EPHA3: variants seen among roughly 807,000 people sequenced by gnomAD.
The protein encoded by EPHA3 is EPH receptor A3.
Under a neutral mutation model 107.1 loss-of-function variants are expected in EPHA3, and 42 were observed. The ratio of observed to expected loss-of-function variants is 0.39; its 90% confidence interval spans 0.31 to 0.51. The LOEUF (loss-of-function observed/expected upper bound fraction) is 0.51, where lower values mean the gene tolerates loss of function less well. Among genes scored for constraint, EPHA3 ranks in the 20% least tolerant of loss-of-function variants. The pLI is 0.78. For missense variants in EPHA3, 1,183 were observed against 1,211.2 expected, an observed-to-expected ratio of 0.98 and a Z score of 0.35; for synonymous variants, 461 against 424.8, an observed-to-expected ratio of 1.09 and a Z score of -1.05.
intron 2 of EPHA3, among the ~76,000 whole-genome samples, chr3:89,186,320 G>A (rs949959873): frequency 1.3e-5 from 2 of 151,766 alleles, no homozygotes; most frequent in African/African-American, 4.8e-5. Flanking sequence ...AAATACCTCT[G>A]TTCATTTTTA....
intron 2 of EPHA3, among the ~76,000 whole-genome samples, chr3:89,136,239 C>T (rs1485791135): frequency 6.8e-6 from 1 of 146,180 alleles, no homozygotes; most frequent in Non-Finnish European, 1.5e-5. Context: ...TGACTAAACT[C>T]TATTTTAAGT....
intron 11 of EPHA3, among the ~76,000 whole-genome samples, chr3:89,428,866 C>T (rs1709506709): frequency 6.6e-6 from 1 of 152,046 alleles, no homozygotes; most frequent in Non-Finnish European, 1.5e-5. Flanking sequence ...CCTGTCAAAC[C>T]AATTTAGATG....
chr3:89,408,381 G>A (rs967713559), intron 9 of EPHA3, among the ~76,000 whole-genome samples: 2 of 152,044 alleles, frequency 1.3e-5, no homozygotes, highest in African/African-American at 2.4e-5. Flanking sequence ...TTCAAATAAC[G>A]CACATGCTAG....
At chr3:89,211,774 T>G (rs1339548264) in intron 3 of EPHA3, among the ~76,000 whole-genome samples, 1 of 143,662 alleles carries the variant, frequency 7.0e-6, no homozygotes, top group Admixed American at 7.2e-5. Context: ...CTTCTTCTTC[T>G]TCTTCTTCTT....
At chr3:89,240,815 T>C (rs1704877530) in intron 3 of EPHA3, among the ~76,000 whole-genome samples, 1 of 152,060 alleles carries the variant, frequency 6.6e-6, no homozygotes, top group African/African-American at 2.4e-5. Context: ...ATTTAGGTTA[T>C]GAAGATGGAT....
At chr3:89,261,821 A>T (rs1233767357) in intron 3 of EPHA3, among the ~76,000 whole-genome samples, 2 of 151,132 alleles carry the variant, frequency 1.3e-5, no homozygotes, top group Non-Finnish European at 3.0e-5. Context: ...TGATACTATT[A>T]GTTTGGTGCA....
intron 1 of EPHA3, among the ~76,000 whole-genome samples, chr3:89,117,213 A>T (rs1025230715): frequency 1.3e-5 from 2 of 152,130 alleles, no homozygotes; most frequent in African/African-American, 4.8e-5. Flanking sequence ...AGAAAAATAG[A>T]TGAATAAGAT....
At position 89,479,781 on chromosome 3, in the gene EPHA3, C is replaced by A; in HGVS notation, c.*279C>A. 1 of 351,218 alleles carries A rather than the reference C, an allele frequency of 2.8e-6. No homozygotes were observed. The highest frequency in any genetic ancestry group is 5.8e-5 in the South Asian group (1 of 17,152). The allele number at this position is 351,218 out of a possible 1,614,324, so 21.8% of individuals were successfully genotyped here. A position where few individuals can be genotyped will look rare whatever the true frequency, so the allele number is the denominator to read the frequency against. ...TCAGCGTAAAATGGTGAAGAACTAGCATATAGCCATTGATCATAAACTGAC... is the reference window on the plus strand; with the variant it reads ...TCAGCGTAAAATGGTGAAGAACTAGAATATAGCCATTGATCATAAACTGAC... On this transcript the variant is annotated 3_prime_UTR_variant, in exon 17 of 17. Transcript: ENST00000336596.
At chr3:89,470,561 G>T (rs1710378800) in intron 15 of EPHA3, among the ~76,000 whole-genome samples, 1 of 152,072 alleles carries the variant, frequency 6.6e-6, no homozygotes, top group Non-Finnish European at 1.5e-5. Flanking sequence ...ATTCACCAAG[G>T]TCACACAAAT....
At chr3:89,299,226 C>T (rs1225552505) in intron 3 of EPHA3, among the ~76,000 whole-genome samples, 1 of 151,952 alleles carries the variant, frequency 6.6e-6, no homozygotes, top group Non-Finnish European at 1.5e-5. Flanking sequence ...GACAAGGAAG[C>T]AAATACTAGA....
At chr3:89,199,161 A>G (rs1705910809) in intron 2 of EPHA3, among the ~76,000 whole-genome samples, 1 of 152,214 alleles carries the variant, frequency 6.6e-6, no homozygotes, top group Non-Finnish European at 1.5e-5. Context: ...ATGAATGTCA[A>G]CAGTGTATTT....
At chr3:89,192,588 T>A (rs1369567445) in intron 2 of EPHA3, among the ~76,000 whole-genome samples, 1 of 152,034 alleles carries the variant, frequency 6.6e-6, no homozygotes, top group Non-Finnish European at 1.5e-5. Context: ...AATACACAAT[T>A]GACCAAAATA....
intron 13 of EPHA3, among the ~76,000 whole-genome samples, chr3:89,444,858 C>T (rs1171291101): frequency 6.6e-6 from 1 of 152,044 alleles, no homozygotes; most frequent in Non-Finnish European, 1.5e-5. Flanking sequence ...GTGATTATTT[C>T]ATTATTGGAG....
At chr3:89,244,998 G>A (rs966231503) in intron 3 of EPHA3, among the ~76,000 whole-genome samples, 1 of 152,176 alleles carries the variant, frequency 6.6e-6, no homozygotes, top group Non-Finnish European at 1.5e-5. Flanking sequence ...TTATTAAAGT[G>A]TATTGCAGAA....
intron 5 of EPHA3, among the ~76,000 whole-genome samples, chr3:89,373,992 A>C (rs1216130104): frequency 6.6e-6 from 1 of 151,836 alleles, no homozygotes; most frequent in African/African-American, 2.4e-5. Flanking sequence ...AATAAATATC[A>C]GCTTTTATTA....
chr3:89,446,023 C>A (rs148313663), intron 13 of EPHA3, among the ~76,000 whole-genome samples: 1 of 151,950 alleles, frequency 6.6e-6, no homozygotes, highest in Non-Finnish European at 1.5e-5. Flanking sequence ...CAAAACACAA[C>A]CAGAAGAGCA....
chr3:89,461,291 G>C (rs1710235637), intron 15 of EPHA3, among the ~76,000 whole-genome samples: 4 of 102,488 alleles, frequency 3.9e-5, no homozygotes, highest in Non-Finnish European at 7.4e-5. Context: ...AAACATACGT[G>C]TGCATGTGTC....
intron 2 of EPHA3, among the ~76,000 whole-genome samples, chr3:89,196,925 G>A (rs1027194027): frequency 5.9e-5 from 9 of 151,964 alleles, no homozygotes; most frequent in African/African-American, 2.2e-4. Context: ...TTCCACCAAT[G>A]CTATCCTATC....
intron 2 of EPHA3, among the ~76,000 whole-genome samples, chr3:89,129,033 T>C (rs1367246476): frequency 6.6e-6 from 1 of 152,118 alleles, no homozygotes; most frequent in Non-Finnish European, 1.5e-5. Flanking sequence ...GGGAGATTGT[T>C]AGAAATGCAG....
Sources: gnomAD v4.1 joint callset for allele counts (sites outside exome capture counted in the v4.1 genomes callset) on GRCh38, gnomAD v4.1.1 for gene constraint, MANE v1.5 for transcripts, NCBI Gene and HGNC (gene_info 2026-07-23, HGNC 2026-07-21) for gene names.